The following NBEA variants were observed in gnomAD, a reference collection of about 807,000 sequenced individuals.
NBEA encodes the protein lysosomal-trafficking regulator 2.
A neutral mutation model predicts 343.4 loss-of-function variants in NBEA; 44 were observed. The ratio of observed to expected loss-of-function variants is 0.13; its 90% CI spans 0.10 to 0.16. NBEA has a LOEUF of 0.16. NBEA is among the 10% of genes least tolerant of loss of function. NBEA has a pLI of 1.00. For synonymous variants in NBEA, 1,175 were observed against 1,238.7 expected (o/e 0.95, Z 1.08); for missense variants, 2,555 against 3,631.3 (o/e 0.70, Z 7.62).
At chr13:34,981,406 A>C (rs1333407265) in intron 1 of NBEA, among the ~76,000 whole-genome samples, 1 of 152,170 alleles carries the variant, frequency 6.6e-6, no homozygotes, top group Non-Finnish European at 1.5e-5. Context: ...CTAGAAGTGA[A>C]ATTCTGGGTC....
chr13:35,325,269 T>C (rs938523020), intron 36 of NBEA, among the ~76,000 whole-genome samples: 3 of 152,006 alleles, frequency 2.0e-5, no homozygotes, highest in African/African-American at 7.2e-5. Flanking sequence ...ACTAAAGAAC[T>C]GGGTTGATGT....
chr13:35,652,399 G>T (rs566032289), intron 53 of NBEA, among the ~76,000 whole-genome samples: 63 of 151,118 alleles, frequency 4.2e-4, no homozygotes, highest in African/African-American at 1.5e-3. Flanking sequence ...CCAGTACTTT[G>T]GGAGTCCAAG....
chr13:35,636,504 C>T (rs542080161), intron 49 of NBEA, among the ~76,000 whole-genome samples: 21 of 152,252 alleles, frequency 1.4e-4, no homozygotes, highest in African/African-American at 4.6e-4. Flanking sequence ...ACATACCAAA[C>T]AAATCTATTT....
At chr13:34,976,614 A>G (rs1338764350) in intron 1 of NBEA, among the ~76,000 whole-genome samples, 1 of 151,826 alleles carries the variant, frequency 6.6e-6, no homozygotes, top group Non-Finnish European at 1.5e-5. Flanking sequence ...TGACTTTCTA[A>G]GGATTGGATA....
intron 1 of NBEA, among the ~76,000 whole-genome samples, chr13:35,021,551 A>G (rs1436378069): frequency 6.6e-6 from 1 of 150,984 alleles, no homozygotes; most frequent in Non-Finnish European, 1.5e-5. Context: ...TTCCTATTTT[A>G]TGTCTGGTTT....
intron 17 of NBEA, among the ~76,000 whole-genome samples, chr13:35,126,535 GA>G (rs886367417): frequency 9.3e-5 from 14 of 151,204 alleles, no homozygotes; most frequent in South Asian, 4.2e-4. Flanking sequence ...AGATAAAACT[GA>G]AAAAAAAGCA....
chr13:35,323,958 A>G (rs929478204), intron 36 of NBEA, among the ~76,000 whole-genome samples: 1 of 152,168 alleles, frequency 6.6e-6, no homozygotes, highest in Non-Finnish European at 1.5e-5. Flanking sequence ...CTCATTGCAT[A>G]CAAAAGCCAG....
At chr13:35,050,830 T>G (rs1323295512) in intron 6 of NBEA, among the ~76,000 whole-genome samples, 1 of 151,982 alleles carries the variant, frequency 6.6e-6, no homozygotes, top group Non-Finnish European at 1.5e-5. Flanking sequence ...TTCCTGAGAT[T>G]GAAGGTTTTG....
At chr13:35,624,209 TG>T (rs2083124424) in intron 48 of NBEA, among the ~76,000 whole-genome samples, 1 of 152,210 alleles carries the variant, frequency 6.6e-6, no homozygotes, top group Admixed American at 6.5e-5. Context: ...AACAAAAAGT[TG>T]TAGGTGTAAC....
intron 35 of NBEA, among the ~76,000 whole-genome samples, chr13:35,296,397 A>G (rs984786757): frequency 5.3e-5 from 8 of 151,266 alleles, no homozygotes; most frequent in African/African-American, 1.9e-4. Context: ...AAAAAAAAAG[A>G]TAAAAAAGAA....
At chr13:35,031,922 A>G (rs976841345) in intron 1 of NBEA, among the ~76,000 whole-genome samples, 1 of 151,780 alleles carries the variant, frequency 6.6e-6, no homozygotes. Context: ...TTCCTGCATT[A>G]GTTTGCTAAC....
intron 38 of NBEA, among the ~76,000 whole-genome samples, chr13:35,361,261 A>G (rs1056141632): frequency 1.3e-5 from 2 of 152,088 alleles, no homozygotes; most frequent in East Asian, 3.8e-4. Flanking sequence ...AAATTAAAAC[A>G]TTCTCAATGA....
At chr13:35,096,512 G>C (rs958778113) in intron 10 of NBEA, among the ~76,000 whole-genome samples, 1 of 151,758 alleles carries the variant, frequency 6.6e-6, no homozygotes, top group Non-Finnish European at 1.5e-5. Flanking sequence ...ATTTTACATG[G>C]TTCTATATAG....
At chr13:35,650,810 C>T (rs1330620067) in intron 52 of NBEA, among the ~76,000 whole-genome samples, 1 of 152,198 alleles carries the variant, frequency 6.6e-6, no homozygotes, top group Non-Finnish European at 1.5e-5. Context: ...CACTTGGGAT[C>T]TCCCAGGAAG....
Position 35,159,556 on chromosome 13 carries a change from T to C in NBEA, c.3385T>C (p.Leu1129=), listed in dbSNP as rs1467210492. The C allele has an allele frequency of 1.9e-6, 3 of 1,612,584 alleles. No individual in the cohort carries two copies. The highest frequency in any genetic ancestry group is 8.5e-7 in the Non-Finnish European group (1 of 1,179,452). Residue 1129 remains leucine (L), a synonymous_variant, in exon 22 of 59, where the codon TTG becomes CTG. Coordinates refer to ENST00000379939, the MANE Select transcript of NBEA (RefSeq NM_001385012.1). ...AAATGAAGAAAAGGATAATGGTCCATTGATAACATTAGCAGATGAGAAAGA... is the reference window on the plus strand; with the variant it reads ...AAATGAAGAAAAGGATAATGGTCCACTGATAACATTAGCAGATGAGAAAGA... The part of the protein sequence containing the change: ...KKNEEKDNGP[L]ITLADEKEDL...
intron 44 of NBEA, among the ~76,000 whole-genome samples, chr13:35,562,860 G>A (rs1302722530): frequency 6.6e-6 from 1 of 151,938 alleles, no homozygotes; most frequent in Non-Finnish European, 1.5e-5. Context: ...TTTTCACCAA[G>A]GAATTGCAGT....
intron 34 of NBEA, among the ~76,000 whole-genome samples, chr13:35,273,224 G>C (rs1474074400): frequency 6.6e-6 from 1 of 152,132 alleles, no homozygotes; most frequent in Non-Finnish European, 1.5e-5. Flanking sequence ...CGACTACATG[G>C]AAACTGAAGA....
chr13:35,583,787 A>G, intron 45 of NBEA, 111 bp from the exon 46 acceptor site: 1 of 754,916 alleles, frequency 1.3e-6, no homozygotes, highest in Non-Finnish European at 2.1e-6. Flanking sequence ...TAATGTATTT[A>G]TGCTGTATGG....
chr13:35,521,635 C>T (rs1157782900), intron 41 of NBEA, among the ~76,000 whole-genome samples: 1 of 152,114 alleles, frequency 6.6e-6, no homozygotes, highest in Non-Finnish European at 1.5e-5. Flanking sequence ...CGCTAGAAAC[C>T]CAAAAGTCAC....
Sources: allele counts gnomAD v4.1 joint callset (sites outside exome capture counted in the v4.1 genomes callset), GRCh38; gene constraint gnomAD v4.1.1; transcripts MANE v1.5; gene names NCBI Gene and HGNC (gene_info 2026-07-23, HGNC 2026-07-21).